Variants in ALPL observed in about 807,000 individuals in gnomAD.
ALPL encodes alkaline phosphatase, tissue-nonspecific isozyme.
A neutral mutation model predicts 51.3 loss-of-function variants in ALPL; 42 were observed. That is an observed-to-expected ratio of 0.82 (90% CI 0.64 to 1.06). The LOEUF (loss-of-function observed/expected upper bound fraction) is 1.06. Ranked by LOEUF, ALPL falls within the 50% of genes least tolerant of loss-of-function variation. The pLI, the probability that ALPL is intolerant of heterozygous loss-of-function variation, is 0.00. For synonymous variants in ALPL, 279 were observed against 296.4 expected (o/e 0.94, Z 0.60); for missense variants, 589 against 709.4 (o/e 0.83, Z 1.93).
intron 1 of ALPL, among the ~76,000 whole-genome samples, chr1:21,516,350 C>A (rs1383700483): frequency 6.6e-6 from 1 of 152,310 alleles, no homozygotes; most frequent in East Asian, 1.9e-4. Context: ...CTTCTGAGCC[C>A]TTCTATAGCT....
chr1:21,531,049 G>C (rs1465750567), intron 1 of ALPL, among the ~76,000 whole-genome samples: 2 of 149,418 alleles, frequency 1.3e-5, no homozygotes, highest in East Asian at 3.9e-4. Context: ...TGTCTCTCAG[G>C]TTCAAGCAAT....
intron 1 of ALPL, among the ~76,000 whole-genome samples, chr1:21,526,590 T>C (rs773731883): frequency 6.6e-6 from 1 of 152,228 alleles, no homozygotes; most frequent in Admixed American, 6.6e-5. Context: ...TTTCTAAGTG[T>C]AGGGGTAATG....
intron 6 of ALPL, among the ~76,000 whole-genome samples, chr1:21,566,026 G>A (rs745967846): frequency 2.0e-5 from 3 of 152,016 alleles, no homozygotes; most frequent in Admixed American, 1.3e-4. Context: ...AGGTTCTGTG[G>A]GAACAGTTGT....
chr1:21,532,284 C>CA (rs1170931402), intron 1 of ALPL, among the ~76,000 whole-genome samples: 1 of 152,064 alleles, frequency 6.6e-6, no homozygotes. Context: ...CTCTGCCTCC[C>CA]AGGTTCAAGC....
intron 1 of ALPL, among the ~76,000 whole-genome samples, chr1:21,529,980 G>T (rs1327422064): frequency 2.6e-5 from 4 of 152,102 alleles, no homozygotes; most frequent in East Asian, 1.9e-4. Flanking sequence ...TCATTGTGTT[G>T]CCCAGGCTGG....
chr1:21,569,714 T>C (rs4654968), intron 7 of ALPL, among the ~76,000 whole-genome samples: 27,917 of 152,124 alleles, frequency 0.18, 3,145 homozygotes, highest in East Asian at 0.45. Context: ...AGATCCTTGG[T>C]AGTGCTGGGA....
rs759125473 is a variant in ALPL, at chr1:21,568,128, T to C, written c.673T>C (p.Tyr225His). The change falls in exon 7 of 12, where the codon TAC becomes CAC. Residue 225 changes from tyrosine (Y) to histidine (H), a missense_variant. Coordinates refer to ENST00000374840, the MANE Select transcript of ALPL (RefSeq NM_000478.6). Reference protein sequence around the residue: ...IDVIMGGGRKYMYPKNKTDVE... With the variant: ...IDVIMGGGRKHMYPKNKTDVE... ...GGTGATCATGGGGGGTGGCCGGAAA[T>C]ACATGTACCCCAAGAATAAAACTGA... The C allele has an allele frequency of 7.0e-5, 113 of 1,613,854 alleles. No individual in the cohort carries two copies. The highest frequency in any genetic ancestry group is 8.6e-5 in the Non-Finnish European group (102 of 1,180,006).
At chr1:21,525,343 T>G (rs1643927977) in intron 1 of ALPL, among the ~76,000 whole-genome samples, 1 of 152,126 alleles carries the variant, frequency 6.6e-6, no homozygotes, top group Non-Finnish European at 1.5e-5. Context: ...ACAGGAAAAA[T>G]GCATGGCCCA....
At chr1:21,573,640 C>T in intron 8 of ALPL, 25 bp from the exon 9 acceptor site, 2 of 1,612,556 alleles carry the variant, frequency 1.2e-6, no homozygotes, top group Non-Finnish European at 1.7e-6. Context: ...TCTCAGCATC[C>T]ACATCCTCCT....
intron 1 of ALPL, among the ~76,000 whole-genome samples, chr1:21,540,673 A>G (rs937092990): frequency 7.9e-5 from 12 of 151,648 alleles, no homozygotes; most frequent in Non-Finnish European, 1.6e-4. Flanking sequence ...TTCTCCCTGA[A>G]CCCCAAACTC....
At chr1:21,514,699 T>C (rs1003264841) in intron 1 of ALPL, among the ~76,000 whole-genome samples, 34 of 152,136 alleles carry the variant, frequency 2.2e-4, no homozygotes, top group African/African-American at 6.8e-4. Flanking sequence ...GACTGATTGA[T>C]TGTCGATTGC....
intron 6 of ALPL, among the ~76,000 whole-genome samples, chr1:21,567,371 G>A (rs1335096246): frequency 2.0e-5 from 3 of 147,508 alleles, no homozygotes; most frequent in Middle Eastern, 3.4e-3. Context: ...ACAGTCCCGC[G>A]TCCGTCTGCC....
At chr1:21,544,245 G>T (rs1015505066) in intron 1 of ALPL, among the ~76,000 whole-genome samples, 3 of 152,232 alleles carry the variant, frequency 2.0e-5, no homozygotes, top group Non-Finnish European at 4.4e-5. Context: ...TTTCGGAGGT[G>T]CAGGGACTGA....
At chr1:21,520,741 G>A (rs1643875468) in intron 1 of ALPL, among the ~76,000 whole-genome samples, 1 of 152,116 alleles carries the variant, frequency 6.6e-6, no homozygotes, top group South Asian at 2.1e-4. Flanking sequence ...GAGCCACGGT[G>A]CCCGGCCGAA....
chr1:21,542,840 CA>C (rs1558537665), intron 1 of ALPL, among the ~76,000 whole-genome samples: 1 of 151,822 alleles, frequency 6.6e-6, no homozygotes, highest in East Asian at 1.9e-4. Context: ...TCCATCCCCC[CA>C]ATCCCCCCAC....
chr1:21,552,115 T>TCCCCC (rs1558542086), intron 1 of ALPL, among the ~76,000 whole-genome samples: 1 of 9,226 alleles, frequency 1.1e-4, no homozygotes, highest in Non-Finnish European at 2.2e-4. Flanking sequence ...TTCCTCCCCT[T>TCCCCC]CCCTTTCCTC....
At chr1:21,522,224 A>G (rs1291652822) in intron 1 of ALPL, among the ~76,000 whole-genome samples, 1 of 152,016 alleles carries the variant, frequency 6.6e-6, no homozygotes, top group Non-Finnish European at 1.5e-5. Context: ...GGCACACACC[A>G]CCACGCCCAG....
chr1:21,530,751 C>T (rs1644017392), intron 1 of ALPL, among the ~76,000 whole-genome samples: 1 of 151,040 alleles, frequency 6.6e-6, no homozygotes, highest in African/African-American at 2.4e-5. Context: ...TCCTGCAGTT[C>T]CACATTGTTT....
At chr1:21,516,792 A>C (rs1643809162) in intron 1 of ALPL, among the ~76,000 whole-genome samples, 1 of 152,194 alleles carries the variant, frequency 6.6e-6, no homozygotes. Flanking sequence ...CCAAGCCCTT[A>C]ATCACCTAAG....
Sources: allele counts gnomAD v4.1 joint callset (sites outside exome capture counted in the v4.1 genomes callset), GRCh38; gene constraint gnomAD v4.1.1; transcripts MANE v1.5; gene names NCBI Gene and HGNC (gene_info 2026-07-23, HGNC 2026-07-21).